Variants in NFATC4 observed in about 807,000 individuals in gnomAD.
NFATC4 encodes the protein nuclear factor of activated T-cells, cytoplasmic 4.
A neutral mutation model predicts 73.4 loss-of-function variants in NFATC4; 25 were observed. The ratio of observed to expected loss-of-function variants is 0.34; its 90% CI spans 0.25 to 0.48. The LOEUF (loss-of-function observed/expected upper bound fraction) is 0.48. Ranked by LOEUF, NFATC4 falls within the 20% of genes least tolerant of loss-of-function variation. The pLI, the probability that NFATC4 is intolerant of heterozygous loss-of-function variation, is 0.99. For synonymous variants in NFATC4, 523 were observed against 510.3 expected, an observed-to-expected ratio of 1.02 and a Z score of -0.34; for missense variants, 1,130 against 1,203.7, an observed-to-expected ratio of 0.94 and a Z score of 0.91.
At chr14:24,369,168 C>T (rs915915608) in intron 1 of NFATC4, 11 of 1,486,616 alleles carry the variant, frequency 7.4e-6, no homozygotes, top group African/African-American at 1.4e-5. Context: ...TGAGTCGCCC[C>T]CAGTCCAGCC....
At chr14:24,371,400 CCT>C (rs760703472) in intron 2 of NFATC4, among the ~76,000 whole-genome samples, 6 of 152,222 alleles carry the variant, frequency 3.9e-5, no homozygotes, top group Non-Finnish European at 5.9e-5. Context: ...GCTTCCCTGG[CCT>C]CTACCCGTTA....
chr14:24,374,669 T>G (rs986343400), intron 6 of NFATC4: 33 of 528,142 alleles, frequency 6.2e-5, no homozygotes, highest in African/African-American at 5.9e-4. Context: ...TTGAGGATGC[T>G]GAACAAATGG....
At position 24,370,545 on chromosome 14, in the gene NFATC4, C is replaced by G; in HGVS notation, c.1147C>G (p.Pro383Ala). ...CATGGACTACCTGGCAGTGCCCTCC[C>G]CACTCGCTTGGTCCAAGGCCCGGAT... is the stretch of plus-strand genomic sequence containing the variant. The part of the protein sequence containing the change: ...AGMDYLAVPS[P>A]LAWSKARIGG... Residue 383 changes from proline to alanine, a missense_variant, in exon 2 of 10, where the codon CCA (proline) becomes GCA (alanine). By Grantham distance (27) the Pro-to-Ala change is conservative. Coordinates refer to ENST00000250373, the MANE Select transcript of NFATC4 (RefSeq NM_004554.5). 6.2e-7 allele frequency: 1 copy of G among 1,613,790 alleles called. No homozygotes were observed. The highest frequency in any genetic ancestry group is 8.5e-7 in the Non-Finnish European group (1 of 1,179,740).
At chr14:24,372,654 T>G in intron 3 of NFATC4, 51 bp downstream of exon 3, 2 of 1,608,054 alleles carry the variant, frequency 1.2e-6, no homozygotes, top group Middle Eastern at 3.3e-4. Flanking sequence ...CCAGATAGGT[T>G]CCAGCTATGC....
Position 24,368,419 on chromosome 14 carries a change from G to T in NFATC4, c.79G>T (p.Gly27Cys). 1 of 1,346,912 alleles carries T rather than the reference G, an allele frequency of 7.4e-7. No homozygotes were observed. Among genetic ancestry groups the T allele is most frequent in the South Asian group, 2.1e-5 (1 of 46,622 alleles). The allele number at this position is 1,346,912 out of a possible 1,614,324, so 83.4% of individuals were successfully genotyped here. Residue 27 changes from glycine to cysteine, a missense_variant, in exon 1 of 10, where the codon GGC becomes TGC. Transcript: ENST00000250373. ...GGAGGAAAAGGAGGCCCCCCCGCTG[G>T]GCGCGGGGGGATTGGGGGAAGGTTA... ...FGEEKEAPPL[G>C]AGGLGEELDS...
chr14:24,367,140 C>CA (rs752604456), upstream of NFATC4: 10 of 1,613,868 alleles, frequency 6.2e-6, no homozygotes, highest in African/African-American at 1.3e-4. Context: ...AACTCCCTCT[C>CA]ACACAACCCA....
intron 2 of NFATC4, 130 bp from the exon 3 acceptor site, chr14:24,372,311 A>T (rs10141527): frequency 2.2e-6 from 2 of 924,048 alleles, no homozygotes; most frequent in Non-Finnish European, 3.2e-6. Context: ...CACAAGTGTT[A>T]ATGTACTTCT....
rs376016567 is a variant in NFATC4, at chr14:24,370,053, C to T, written c.655C>T (p.Arg219Trp). The T allele has an allele frequency of 2.5e-6, 4 of 1,608,626 alleles. No homozygotes were observed. The highest frequency in any genetic ancestry group is 1.3e-5 in the African/African-American group (1 of 75,032). ...CCTGGGCTCCCCGCTGCCCTCGCCC[C>T]GGGCCTCCCCTCGGCCATGGACCCC... The part of the protein sequence containing the change: ...FGLGSPLPSP[R>W]ASPRPWTPED... Residue 219 changes from arginine to tryptophan, a missense_variant, in exon 2 of 10, where the codon CGG (arginine) becomes TGG (tryptophan). Coordinates refer to ENST00000250373, the MANE Select transcript of NFATC4 (RefSeq NM_004554.5).
rs929946501 is a variant in NFATC4 at position 24,377,934 on chromosome 14, G to A, written c.*229G>A. ...GAAGGAGTGTGTGGAGGAGGGAGGA[G>A]GGTGAAGACTGAGGCTAGGTGCCAG... On this transcript the variant is annotated 3_prime_UTR_variant, in exon 10 of 10. Transcript: ENST00000250373. The surrounding 1 kb of genome is among the most constrained non-coding windows in gnomAD (Gnocchi z 4.2). 3 of 853,606 alleles carry A rather than the reference G, an allele frequency of 3.5e-6. No homozygotes were observed. Among genetic ancestry groups the A allele is most frequent in the African/African-American group, 1.7e-5 (1 of 58,742 alleles). 52.9% of individuals were successfully genotyped at this position (853,606 alleles called of 1,614,324 possible). A position where few individuals can be genotyped will look rare whatever the true frequency, so the allele number is the denominator to read the frequency against.
chr14:24,368,327 C>G lies in NFATC4; in HGVS notation c.-14C>G. 1 of 1,392,948 alleles carries G rather than the reference C, an allele frequency of 7.2e-7. No individual in the cohort carries two copies. The allele number at this position is 1,392,948 out of a possible 1,614,324, so 86.3% of individuals were successfully genotyped here. A position where few individuals can be genotyped will look rare whatever the true frequency, so the allele number is the denominator to read the frequency against. ...TCCCACCCAGGCCGGGACCTGGGGG[C>G]TCCTGCCGGATCCATGGGGGCGGCC... On this transcript the variant is annotated 5_prime_UTR_variant, in exon 1 of 10. Transcript: ENST00000250373.
Position 24,378,014 on chromosome 14 carries a change from G to T in NFATC4, c.*309G>T. On this transcript the variant is annotated 3_prime_UTR_variant, in exon 10 of 10. Coordinates refer to ENST00000250373, the MANE Select transcript of NFATC4 (RefSeq NM_004554.5). ...TGTGGGCTGGCTGTTGTGCTGGAAA[G>T]CTGGGGACAGGTTGATGGTAATAAA... 1 of 487,040 alleles carries T rather than the reference G, an allele frequency of 2.1e-6. No homozygotes were observed. Among genetic ancestry groups the T allele is most frequent in the Non-Finnish European group, 3.7e-6 (1 of 269,664 alleles). 30.2% of individuals were successfully genotyped at this position (487,040 alleles called of 1,614,324 possible).
chr14:24,369,275 G>A, intron 1 of NFATC4: 1 of 1,547,470 alleles, frequency 6.5e-7, no homozygotes. Context: ...GGGTACCCTC[G>A]GTCCTAGGAT....
At position 24,376,686 on chromosome 14, in the gene NFATC4, C is replaced by T; in HGVS notation, c.2449C>T (p.Pro817Ser). 1.2e-6 allele frequency: 2 copies of T among 1,613,740 alleles called. No homozygotes were observed. The highest frequency in any genetic ancestry group is 1.7e-6 in the Non-Finnish European group (2 of 1,179,906). ...PPAPFRPPPL[P>S]ASPPLEGPFP... ...AGCCCCCTTTCGGCCGCCTCCTCTT[C>T]CTGCATCCCCACCGCTTGAAGGCCC... The change falls in exon 9 of 10, where the codon CCT becomes TCT. Residue 817 changes from proline (P) to serine (S), a missense_variant. By Grantham distance (74) the Pro-to-Ser change is moderately conservative. Coordinates refer to ENST00000250373, the MANE Select transcript of NFATC4 (RefSeq NM_004554.5). This position sits in a 1 kb window ranked among gnomAD's most constrained non-coding sequence, Gnocchi z 5.0.
chr14:24,373,585 A>G lies in NFATC4; in HGVS notation c.1560-110A>G. The G allele has an allele frequency of 6.7e-7, 1 of 1,493,736 alleles. No homozygotes were observed. Among genetic ancestry groups the G allele is most frequent in the Non-Finnish European group, 9.0e-7 (1 of 1,105,186 alleles). 92.5% of individuals were successfully genotyped at this position (1,493,736 alleles called of 1,614,324 possible). A position where few individuals can be genotyped will look rare whatever the true frequency, so the allele number is the denominator to read the frequency against. On this transcript the variant is annotated intron_variant, in intron 4 of 9. Transcript: ENST00000250373. This position sits in a 1 kb window ranked among gnomAD's most constrained non-coding sequence, Gnocchi z 4.7. ...TTAGAAAATAGCCTCCTAGGCACTC[A>G]TCGAAAGTCATTCAAGGCTTTGGAT...
chr14:24,369,365 G>T (rs2042400645), intron 1 of NFATC4, 134 bp from the exon 2 acceptor site: 2 of 1,599,794 alleles, frequency 1.3e-6, no homozygotes, highest in African/African-American at 2.7e-5. Context: ...CTTTTGTCTT[G>T]TGGCTCAGAA....
chr14:24,367,297 G>A (rs1566458683), upstream of NFATC4: 2 of 1,562,170 alleles, frequency 1.3e-6, no homozygotes, highest in East Asian at 2.4e-5. Flanking sequence ...GAGGTTTCAG[G>A]CCCCTAGTAA....
At chr14:24,370,902 T>A (rs2042458442) in intron 2 of NFATC4, among the ~76,000 whole-genome samples, 1 of 151,970 alleles carries the variant, frequency 6.6e-6, no homozygotes, top group Non-Finnish European at 1.5e-5. Context: ...GCCTATAGAG[T>A]GCTCCCAAGC....
chr14:24,368,262 C>T lies in NFATC4; in HGVS notation c.-79C>T. On this transcript the variant is annotated 5_prime_UTR_variant, in exon 1 of 10. Transcript: ENST00000250373. ...TTCTCAGAGAAAGGGAGGGAGGGAG[C>T]CACCCGGGTGAAGATACAGCAGCCT... The T allele has an allele frequency of 1.5e-6, 2 of 1,346,830 alleles. No individual in the cohort carries two copies. The highest frequency in any genetic ancestry group is 2.1e-5 in the South Asian group (1 of 48,606). 83.4% of individuals were successfully genotyped at this position (1,346,830 alleles called of 1,614,324 possible).
chr14:24,368,391 CG>C lies in NFATC4; in HGVS notation c.55del (p.Glu19ArgfsTer75). 7.4e-7 allele frequency: 1 copy of C among 1,352,454 alleles called. No homozygotes were observed. The allele number at this position is 1,352,454 out of a possible 1,614,324, so 83.8% of individuals were successfully genotyped here. A position where few individuals can be genotyped will look rare whatever the true frequency, so the allele number is the denominator to read the frequency against. On this transcript the variant is annotated frameshift_variant, in exon 1 of 10. Transcript: ENST00000250373. LOFTEE classifies it high-confidence loss of function. ...DEELEFKLVF[G>X]EEKEAPPLGA... is the part of the protein sequence containing the mutation. Reference sequence around the variant, plus strand: ...AGGAGCTGGAATTTAAGCTGGTGTTCGGGGAGGAAAAGGAGGCCCCCCCGCT... The same window carrying C: ...AGGAGCTGGAATTTAAGCTGGTGTTCGGGAGGAAAAGGAGGCCCCCCCGCT...
Sources: allele counts gnomAD v4.1 joint callset (sites outside exome capture counted in the v4.1 genomes callset), GRCh38; gene constraint gnomAD v4.1.1; non-coding constraint Gnocchi (gnomAD v3.1); transcripts MANE v1.5; gene names NCBI Gene and HGNC (gene_info 2026-07-23, HGNC 2026-07-21).